The following FRMD4B variants were observed in gnomAD, a reference collection of about 807,000 sequenced individuals.
The protein encoded by FRMD4B is FERM domain containing 4B.
FRMD4B carries 74 observed loss-of-function variants against 141.5 expected under a neutral mutation model. That is an observed-to-expected ratio of 0.52 (90% CI 0.43 to 0.63). The LOEUF (loss-of-function observed/expected upper bound fraction) is 0.63, where lower values mean the gene tolerates loss of function less well. Ranked by LOEUF, FRMD4B falls within the 30% of genes least tolerant of loss-of-function variation. The probability of loss-of-function intolerance (pLI) is 0.00; values close to 1 mark genes in which losing one functional copy is unlikely to be tolerated. For synonymous variants in FRMD4B, 506 were observed against 467.9 expected (o/e 1.08, Z -1.05); for missense variants, 1,366 against 1,253.4 (o/e 1.09, Z -1.36).
At chr3:69,177,236 G>C (rs2092656535) in intron 21 of FRMD4B, among the ~76,000 whole-genome samples, 1 of 152,064 alleles carries the variant, frequency 6.6e-6, no homozygotes, top group African/African-American at 2.4e-5. Flanking sequence ...CCACTCAGGA[G>C]GCTGAGACAG....
At chr3:69,301,982 G>C (rs1277545591) in intron 4 of FRMD4B, among the ~76,000 whole-genome samples, 1 of 152,196 alleles carries the variant, frequency 6.6e-6, no homozygotes, top group Non-Finnish European at 1.5e-5. Context: ...GCAAATGTTT[G>C]TCACATTTCA....
At chr3:69,451,470 G>A (rs765329638) in intron 1 of FRMD4B, among the ~76,000 whole-genome samples, 1 of 152,152 alleles carries the variant, frequency 6.6e-6, no homozygotes, top group Admixed American at 6.5e-5. Flanking sequence ...GAAACAGCAC[G>A]GTGGTACACA....
At chr3:69,174,385 G>A (rs1373392495) in intron 22 of FRMD4B, among the ~76,000 whole-genome samples, 2 of 152,096 alleles carry the variant, frequency 1.3e-5, no homozygotes, top group Non-Finnish European at 2.9e-5. Flanking sequence ...AACATAAGAT[G>A]TAAAACTGTA....
intron 1 of FRMD4B, among the ~76,000 whole-genome samples, chr3:69,533,551 C>T (rs958149303): frequency 1.3e-5 from 2 of 152,228 alleles, no homozygotes; most frequent in Non-Finnish European, 2.9e-5. Context: ...TATCATCAGA[C>T]ACCAGTTAGT....
intron 1 of FRMD4B, chr3:69,536,289 G>C (rs1701083844): frequency 1.6e-6 from 1 of 632,236 alleles, no homozygotes; most frequent in South Asian, 1.8e-5. Context: ...CCATCTCCCT[G>C]GGCTGGATTT....
At chr3:69,383,197 C>A (rs1296787032) in intron 1 of FRMD4B, among the ~76,000 whole-genome samples, 2 of 152,190 alleles carry the variant, frequency 1.3e-5, no homozygotes, top group Non-Finnish European at 2.9e-5. Flanking sequence ...TAGGCAAAGA[C>A]TGGATTAACT....
intron 1 of FRMD4B, among the ~76,000 whole-genome samples, chr3:69,455,509 C>T (rs77081894): frequency 0.033 from 5,032 of 152,172 alleles, 277 homozygotes; most frequent in African/African-American, 0.11. Flanking sequence ...CTGCAGCTTC[C>T]CTTCTGAAGC....
intron 5 of FRMD4B, among the ~76,000 whole-genome samples, chr3:69,273,219 TC>T (rs2093603530): frequency 6.6e-6 from 1 of 152,238 alleles, no homozygotes; most frequent in Admixed American, 6.5e-5. Flanking sequence ...ATGCTCAGTG[TC>T]CCTCTCTCCT....
In FRMD4B at chr3:69,446,805, G is replaced by A. The variant is rs181923387; in HGVS notation, c.-128-14044C>T. On this transcript the variant is annotated intron_variant, in intron 1 of 5. Transcript: ENST00000459638. ...TAGTTTAGAATCTCTGACATGGAGC[G>A]CATTCCTCTGAAAACACAAGACCCT... 3.2e-4 allele frequency among the ~76,000 whole-genome samples: 49 copies of A among 152,266 alleles called. No individual in the cohort carries two copies. In the East Asian group the frequency reaches 7.9e-3, roughly 25 times the overall value.
At chr3:69,491,342 A>G (rs1706297895) in intron 1 of FRMD4B, among the ~76,000 whole-genome samples, 1 of 152,210 alleles carries the variant, frequency 6.6e-6, no homozygotes. Flanking sequence ...CTAGCCCTTC[A>G]GCATTGAAAG....
chr3:69,427,497 T>C (rs1335288637), intron 2 of FRMD4B, among the ~76,000 whole-genome samples: 1 of 151,062 alleles, frequency 6.6e-6, no homozygotes, highest in East Asian at 1.9e-4. Context: ...GGGAGAAGAA[T>C]ATAAGATCAC....
chr3:69,214,098 T>A (rs2093115301), intron 11 of FRMD4B, among the ~76,000 whole-genome samples: 1 of 152,160 alleles, frequency 6.6e-6, no homozygotes. Flanking sequence ...CCTTTTGTGT[T>A]ATCTGTGTCA....
intron 7 of FRMD4B, among the ~76,000 whole-genome samples, chr3:69,246,872 C>T (rs888562583): frequency 1.3e-5 from 2 of 152,324 alleles, no homozygotes; most frequent in East Asian, 3.9e-4. Flanking sequence ...ACTCGCCAAC[C>T]TTGATGTCCT....
chr3:69,497,173 T>C (rs1162441059), intron 1 of FRMD4B, among the ~76,000 whole-genome samples: 1 of 152,156 alleles, frequency 6.6e-6, no homozygotes, highest in Non-Finnish European at 1.5e-5. Flanking sequence ...TTAGAATGAA[T>C]CCCAGAATGG....
intron 1 of FRMD4B, chr3:69,472,391 A>T: frequency 4.0e-6 from 2 of 495,352 alleles, no homozygotes; most frequent in Non-Finnish European, 8.1e-6. Flanking sequence ...CATTCTTAAT[A>T]TCTTGGAAGT....
chr3:69,295,498 T>C (rs1471873740), intron 4 of FRMD4B, among the ~76,000 whole-genome samples: 1 of 152,280 alleles, frequency 6.6e-6, no homozygotes, highest in East Asian at 1.9e-4. Context: ...ATTATTGTAT[T>C]TTTTGTAGAG....
At chr3:69,349,124 G>A (rs960496386) in intron 1 of FRMD4B, among the ~76,000 whole-genome samples, 7 of 152,202 alleles carry the variant, frequency 4.6e-5, no homozygotes, top group Non-Finnish European at 8.8e-5. Flanking sequence ...CTTCAGCAAA[G>A]TCTCAGGATA....
chr3:69,484,350 G>A (rs1706179448), intron 1 of FRMD4B, among the ~76,000 whole-genome samples: 6 of 152,168 alleles, frequency 3.9e-5, no homozygotes, highest in Admixed American at 3.9e-4. Flanking sequence ...TCTACCAGGT[G>A]CTATTATATA....
At chr3:69,447,534 T>A (rs894575479) in intron 1 of FRMD4B, among the ~76,000 whole-genome samples, 2 of 152,184 alleles carry the variant, frequency 1.3e-5, no homozygotes, top group Non-Finnish European at 2.9e-5. Context: ...ACCACCACAA[T>A]CAAGATATGG....
Sources: gnomAD v4.1 joint callset for allele counts (sites outside exome capture counted in the v4.1 genomes callset) on GRCh38, gnomAD v4.1.1 for gene constraint, MANE v1.5 for transcripts, NCBI Gene and HGNC (gene_info 2026-07-23, HGNC 2026-07-21) for gene names.